Variants in ADGRL4 observed in about 807,000 individuals in gnomAD.
ADGRL4 encodes EGF, latrophilin and seven transmembrane domain containing 1.
Under a neutral mutation model 74.8 loss-of-function variants are expected in ADGRL4, and 90 were observed. The ratio of observed to expected loss-of-function variants is 1.20; its 90% CI spans 1.02 to 1.43. The LOEUF (loss-of-function observed/expected upper bound fraction) is 1.43, where lower values mean the gene tolerates loss of function less well. Among genes scored for constraint, ADGRL4 ranks in the 40% most tolerant of loss-of-function variants. The pLI, the probability that ADGRL4 is intolerant of heterozygous loss-of-function variation, is 0.00. For missense variants in ADGRL4, 881 were observed against 814.3 expected, an observed-to-expected ratio of 1.08 and a Z score of -1.00; for synonymous variants, 311 against 279.2, an observed-to-expected ratio of 1.11 and a Z score of -1.14.
rs906633734 is a variant in ADGRL4, at chr1:78,932,588, G to A, written c.877+3707C>T. ...TAACTAAGATCAGAGCAGAGTTGAG[G>A]GAGATAGAGACACAAAAACCCCTCC... On this transcript the variant is annotated intron_variant, in intron 7 of 14. Transcript: ENST00000370742. Among the ~76,000 whole-genome samples, 28 of 132,756 alleles carry A rather than the reference G, an allele frequency of 2.1e-4. 1 individual carries two copies. The highest frequency in any genetic ancestry group is 7.6e-4 in the African/African-American group (26 of 34,242). The allele number at this position is 132,756 out of a possible 152,430, so 87.1% of individuals were successfully genotyped here.
chr1:78,967,989 G>C (rs1650090034), intron 2 of ADGRL4, among the ~76,000 whole-genome samples: 1 of 152,082 alleles, frequency 6.6e-6, no homozygotes, highest in Non-Finnish European at 1.5e-5. Context: ...AGGGTGCTTG[G>C]AGTGTCCAGA....
rs772878760 is a variant in ADGRL4, at chr1:78,921,779, T to A, written c.1091A>T (p.Asp364Val). ...AAATGCACATAGACTCCTATACCTATCTGTGACCTGAAAAAAAGATACTTT... is the reference window on the plus strand; with the variant it reads ...AAATGCACATAGACTCCTATACCTAACTGTGACCTGAAAAAAAGATACTTT... The part of the protein sequence containing the change: ...TFTLSHRKVT[D>V]RYRSLCAFWN... Residue 364 changes from aspartate (D) to valine (V), a missense_variant, in exon 9 of 15, where the codon GAT becomes GTT. By Grantham distance (152) the Asp-to-Val change is radical (BLOSUM62 -3). Coordinates refer to ENST00000370742, the MANE Select transcript of ADGRL4 (RefSeq NM_022159.4). The A allele has an allele frequency of 1.3e-6, 2 of 1,482,202 alleles. No individual in the cohort carries two copies. The highest frequency in any genetic ancestry group is 1.8e-4 in the Middle Eastern group (1 of 5,572). The allele number at this position is 1,482,202 out of a possible 1,614,324, so 91.8% of individuals were successfully genotyped here.
intron 2 of ADGRL4, among the ~76,000 whole-genome samples, chr1:78,949,278 T>A (rs1184579392): frequency 6.6e-6 from 1 of 152,158 alleles, no homozygotes; most frequent in Non-Finnish European, 1.5e-5. Context: ...AACCCTGAAA[T>A]ATTGTTACTA....
At chr1:78,992,746 C>A (rs551248078) in intron 2 of ADGRL4, among the ~76,000 whole-genome samples, 1 of 152,190 alleles carries the variant, frequency 6.6e-6, no homozygotes, top group South Asian at 2.1e-4. Context: ...TTATGCCAGA[C>A]AAATTTGATT....
At chr1:78,903,373 C>T (rs1045050104) in intron 12 of ADGRL4, among the ~76,000 whole-genome samples, 8 of 152,128 alleles carry the variant, frequency 5.3e-5, no homozygotes, top group Non-Finnish European at 8.8e-5. Flanking sequence ...GACAAACTGA[C>T]ATTTTTCTTA....
chr1:78,991,005 G>A (rs965976323), intron 2 of ADGRL4, among the ~76,000 whole-genome samples: 11 of 151,968 alleles, frequency 7.2e-5, no homozygotes, highest in African/African-American at 2.7e-4. Context: ...CTCAGCTTCT[G>A]TTCAATCTCA....
chr1:78,944,809 A>G (rs942694114), intron 3 of ADGRL4, among the ~76,000 whole-genome samples: 4 of 152,106 alleles, frequency 2.6e-5, no homozygotes, highest in Non-Finnish European at 5.9e-5. Context: ...TTTTTACATA[A>G]CAGAGTAAAT....
chr1:78,997,185 G>T (rs1273034482), intron 2 of ADGRL4, among the ~76,000 whole-genome samples: 1 of 151,982 alleles, frequency 6.6e-6, no homozygotes, highest in Non-Finnish European at 1.5e-5. Context: ...AAGATTAAAA[G>T]AAGTCAAATC....
Position 78,937,532 on chromosome 1 carries a change from GAAT to G in ADGRL4, c.760+272_760+274del, listed in dbSNP as rs976297591. Among the ~76,000 whole-genome samples the G allele has an allele frequency of 1.1e-4, 16 of 152,278 alleles. 1 individual carries two copies. The highest frequency in any genetic ancestry group is 3.4e-4 in the African/African-American group (14 of 41,542). ...AGATGATGGACTCAAAATGCCAAGG[GAAT>G]AATGTACTCTGACCATTTAATGGCT... On this transcript the variant is annotated intron_variant, in intron 6 of 14. Coordinates refer to ENST00000370742, the MANE Select transcript of ADGRL4 (RefSeq NM_022159.4).
At chr1:78,906,804 T>G (rs75471162) in intron 12 of ADGRL4, among the ~76,000 whole-genome samples, 1 of 152,106 alleles carries the variant, frequency 6.6e-6, no homozygotes, top group East Asian at 1.9e-4. Context: ...AATAGAACTT[T>G]CGCAATTAAA....
chr1:78,971,336 G>A (rs577755059), intron 2 of ADGRL4, among the ~76,000 whole-genome samples: 4 of 152,194 alleles, frequency 2.6e-5, no homozygotes, highest in African/African-American at 9.6e-5. Flanking sequence ...GTGCAGGTTT[G>A]TTACATATGT....
At position 78,935,059 on chromosome 1, in the gene ADGRL4, T is replaced by C. The variant is rs184750729; in HGVS notation, c.877+1236A>G. 3.3e-5 allele frequency among the ~76,000 whole-genome samples: 5 copies of C among 152,306 alleles called. No individual in the cohort carries two copies. The South Asian group carries it at 8.3e-4, about 25-fold the overall frequency. Reference sequence around the variant, plus strand: ...ACCCACAATCCCATTACTGGGTATGTACCCAAAGGATTATAAATCATTCTA... The same window carrying C: ...ACCCACAATCCCATTACTGGGTATGCACCCAAAGGATTATAAATCATTCTA... On this transcript the variant is annotated intron_variant, in intron 7 of 14. Coordinates refer to ENST00000370742, the MANE Select transcript of ADGRL4 (RefSeq NM_022159.4).
At chr1:78,945,270 A>G (rs1649574764) in intron 3 of ADGRL4, among the ~76,000 whole-genome samples, 1 of 151,204 alleles carries the variant, frequency 6.6e-6, no homozygotes, top group Non-Finnish European at 1.5e-5. Flanking sequence ...TTATCTAACT[A>G]TATCATTTAG....
intron 2 of ADGRL4, among the ~76,000 whole-genome samples, chr1:78,990,674 A>T (rs1650589413): frequency 6.6e-6 from 1 of 151,960 alleles, no homozygotes; most frequent in Non-Finnish European, 1.5e-5. Context: ...TTAAAAGACC[A>T]TTCTTCTCCA....
intron 12 of ADGRL4, among the ~76,000 whole-genome samples, chr1:78,894,775 T>G (rs1260651415): frequency 6.6e-6 from 1 of 151,928 alleles, no homozygotes; most frequent in Non-Finnish European, 1.5e-5. Flanking sequence ...ATATTGATCT[T>G]GCTATCTCAA....
At chr1:78,960,837 T>C (rs1017795418) in intron 2 of ADGRL4, among the ~76,000 whole-genome samples, 1 of 152,172 alleles carries the variant, frequency 6.6e-6, no homozygotes, top group African/African-American at 2.4e-5. Flanking sequence ...AGACAATGAA[T>C]CTGCAGTGCT....
At chr1:78,933,833 G>T (rs1191262771) in intron 7 of ADGRL4, among the ~76,000 whole-genome samples, 1 of 147,118 alleles carries the variant, frequency 6.8e-6, no homozygotes, top group Admixed American at 6.6e-5. Flanking sequence ...ATTCACAATT[G>T]CTACAAAGAG....
intron 8 of ADGRL4, among the ~76,000 whole-genome samples, chr1:78,922,874 G>A (rs1005461437): frequency 6.6e-6 from 1 of 151,908 alleles, no homozygotes; most frequent in African/African-American, 2.4e-5. Context: ...TACTGTTCAA[G>A]GAGTAAGGAT....
At chr1:78,891,998 T>A (rs545756804) in intron 13 of ADGRL4, among the ~76,000 whole-genome samples, 1 of 152,280 alleles carries the variant, frequency 6.6e-6, no homozygotes, top group South Asian at 2.1e-4. Flanking sequence ...TCTGGTGTAC[T>A]GCAGTGTGCA....
Sources: gnomAD v4.1 joint callset for allele counts (sites outside exome capture counted in the v4.1 genomes callset) on GRCh38, gnomAD v4.1.1 for gene constraint, MANE v1.5 for transcripts, NCBI Gene and HGNC (gene_info 2026-07-23, HGNC 2026-07-21) for gene names.